RAP1GDS1: variants seen among roughly 807,000 people sequenced by gnomAD.
RAP1GDS1 encodes the protein Rap1 GTPase-GDP dissociation stimulator 1.
A neutral mutation model predicts 71.1 loss-of-function variants in RAP1GDS1; 35 were observed. The ratio of observed to expected loss-of-function variants is 0.49; its 90% confidence interval spans 0.38 to 0.65. The LOEUF (loss-of-function observed/expected upper bound fraction) is 0.65, where lower values mean the gene tolerates loss of function less well. RAP1GDS1 is among the 30% of genes least tolerant of loss of function. The pLI is 0.00. For missense variants in RAP1GDS1, 663 were observed against 706.1 expected, an observed-to-expected ratio of 0.94 and a Z score of 0.69; for synonymous variants, 229 against 243.1, an observed-to-expected ratio of 0.94 and a Z score of 0.54.
chr4:98,303,627 AATAATATAAT>A lies in RAP1GDS1; in HGVS notation c.112+10143_112+10152del, dbSNP rs3048386. ...AGAAGAAAATAATAAGTAAATTAATAATAATATAATATAATATAATATAATATAATATAAT... is the reference window on the plus strand; with the variant it reads ...AGAAGAAAATAATAAGTAAATTAATAATAATATAATATAATATAATATAAT... On this transcript the variant is annotated intron_variant, in intron 2 of 14. Transcript: ENST00000408927. Among the ~76,000 whole-genome samples the A allele has an allele frequency of 4.3e-3, 610 of 141,318 alleles. 7 individuals are homozygous for A. Among genetic ancestry groups the A allele is most frequent in the African/African-American group, 0.015 (570 of 38,676 alleles). The allele number at this position is 141,318 out of a possible 152,430, so 92.7% of individuals were successfully genotyped here. A position where few individuals can be genotyped will look rare whatever the true frequency, so the allele number is the denominator to read the frequency against.
At chr4:98,408,823 CA>C (rs1746563007) in intron 7 of RAP1GDS1, among the ~76,000 whole-genome samples, 1 of 152,064 alleles carries the variant, frequency 6.6e-6, no homozygotes, top group South Asian at 2.1e-4. Flanking sequence ...AAAAGCTTTT[CA>C]TAAAATTAAG....
intron 11 of RAP1GDS1, among the ~76,000 whole-genome samples, chr4:98,420,712 T>A (rs912465665): frequency 6.6e-6 from 1 of 152,172 alleles, no homozygotes; most frequent in Admixed American, 6.5e-5. Context: ...TATTAGTACT[T>A]ATAGTCCTGG....
At chr4:98,356,341 A>G (rs970307784) in intron 4 of RAP1GDS1, among the ~76,000 whole-genome samples, 1 of 152,086 alleles carries the variant, frequency 6.6e-6, no homozygotes, top group African/African-American at 2.4e-5. Flanking sequence ...TGATTTGTTT[A>G]TATAACTGTA....
chr4:98,297,605 A>C (rs1560791796), intron 2 of RAP1GDS1, among the ~76,000 whole-genome samples: 1 of 152,180 alleles, frequency 6.6e-6, no homozygotes, highest in Non-Finnish European at 1.5e-5. Flanking sequence ...CCCATGTATG[A>C]TGGTAAACTT....
chr4:98,366,377 C>T (rs918412235), intron 4 of RAP1GDS1, among the ~76,000 whole-genome samples: 2 of 152,246 alleles, frequency 1.3e-5, no homozygotes, highest in Non-Finnish European at 2.9e-5. Context: ...ACTGTAAGTC[C>T]AATTACACCT....
intron 2 of RAP1GDS1, among the ~76,000 whole-genome samples, chr4:98,334,972 A>G (rs959105533): frequency 3.6e-4 from 54 of 151,642 alleles, no homozygotes; most frequent in African/African-American, 1.2e-3. Flanking sequence ...TGTCAGCTTA[A>G]TATTTGCAGG....
At chr4:98,413,524 C>G (rs1747410923) in intron 7 of RAP1GDS1, among the ~76,000 whole-genome samples, 1 of 152,186 alleles carries the variant, frequency 6.6e-6, no homozygotes, top group Non-Finnish European at 1.5e-5. Context: ...CCAATTTCAT[C>G]CATGTCACTA....
Position 98,302,178 on chromosome 4 carries a change from TAACAG to T in RAP1GDS1, c.112+8668_112+8672del, listed in dbSNP as rs761644876. Among the ~76,000 whole-genome samples, 29 of 152,330 alleles carry T rather than the reference TAACAG, an allele frequency of 1.9e-4. No individual in the cohort carries two copies. The South Asian group carries it at 2.3e-3, about 12-fold the overall frequency. Reference sequence around the variant, plus strand: ...AAGCCATCTGTGTTGCAGTTATCATTAACAGAACACCATGACCTATATTAAATATT... The same window carrying T: ...AAGCCATCTGTGTTGCAGTTATCATTAACACCATGACCTATATTAAATATT... On this transcript the variant is annotated intron_variant, in intron 2 of 14. Transcript: ENST00000408927.
intron 14 of RAP1GDS1, among the ~76,000 whole-genome samples, chr4:98,440,404 G>A (rs1751718864): frequency 1.3e-5 from 2 of 152,064 alleles, no homozygotes; most frequent in Non-Finnish European, 2.9e-5. Context: ...ATTAAATACT[G>A]TTTTTACTAA....
chr4:98,415,000 T>G (rs1469747708), intron 7 of RAP1GDS1, among the ~76,000 whole-genome samples: 2 of 152,064 alleles, frequency 1.3e-5, no homozygotes, highest in African/African-American at 2.4e-5. Context: ...AATTCACTCA[T>G]GATTTGGCTC....
Position 98,442,135 on chromosome 4 carries a change from G to A in RAP1GDS1, c.*18G>A, listed in dbSNP as rs780500056. The A allele has an allele frequency of 3.7e-6, 6 of 1,609,280 alleles. No individual in the cohort carries two copies. The highest frequency in any genetic ancestry group is 5.1e-6 in the Non-Finnish European group (6 of 1,178,878). ...AAAGCTGAGAACTGCCCGATACACG[G>A]CATCATCCCATCTCTAATTTCCCCT... On this transcript the variant is annotated 3_prime_UTR_variant, in exon 15 of 15. Transcript: ENST00000408927.
intron 4 of RAP1GDS1, among the ~76,000 whole-genome samples, chr4:98,371,951 A>G (rs934412702): frequency 1.3e-5 from 2 of 152,086 alleles, no homozygotes; most frequent in Non-Finnish European, 2.9e-5. Flanking sequence ...TTTAAGTGAC[A>G]TTTAGATTAT....
At chr4:98,326,521 C>A (rs1733117283) in intron 2 of RAP1GDS1, among the ~76,000 whole-genome samples, 1 of 152,260 alleles carries the variant, frequency 6.6e-6, no homozygotes. Context: ...TTTATTTAAG[C>A]CAACATGATT....
At chr4:98,391,179 A>G (rs1412312833) in intron 5 of RAP1GDS1, among the ~76,000 whole-genome samples, 1 of 152,024 alleles carries the variant, frequency 6.6e-6, no homozygotes, top group Non-Finnish European at 1.5e-5. Flanking sequence ...ATTATTGTCC[A>G]TGAAGAACCC....
intron 6 of RAP1GDS1, among the ~76,000 whole-genome samples, chr4:98,401,088 A>G (rs1745336936): frequency 6.6e-6 from 1 of 152,236 alleles, no homozygotes. Context: ...CAAGTATTAC[A>G]GTGATGTTAT....
At chr4:98,361,527 C>T (rs539977496) in intron 4 of RAP1GDS1, among the ~76,000 whole-genome samples, 40 of 151,804 alleles carry the variant, frequency 2.6e-4, no homozygotes, top group Admixed American at 1.3e-3. Context: ...AAATGTATTG[C>T]CATTTATGGA....
chr4:98,323,355 T>G (rs2110346206), intron 2 of RAP1GDS1, among the ~76,000 whole-genome samples: 1 of 140,300 alleles, frequency 7.1e-6, no homozygotes, highest in East Asian at 2.0e-4. Context: ...AAGGAGGAAC[T>G]GGTACCATTC....
At chr4:98,425,919 A>G (rs1262915654) in intron 12 of RAP1GDS1, among the ~76,000 whole-genome samples, 1 of 152,216 alleles carries the variant, frequency 6.6e-6, no homozygotes, top group Non-Finnish European at 1.5e-5. Context: ...TGCAAAATAT[A>G]CATTCTATTC....
intron 2 of RAP1GDS1, among the ~76,000 whole-genome samples, chr4:98,323,791 C>G (rs1424937901): frequency 6.6e-6 from 1 of 151,396 alleles, no homozygotes; most frequent in African/African-American, 2.4e-5. Flanking sequence ...TAAGAGCTAT[C>G]TATGACAAAC....
Sources: allele counts gnomAD v4.1 joint callset (sites outside exome capture counted in the v4.1 genomes callset), GRCh38; gene constraint gnomAD v4.1.1; transcripts MANE v1.5; gene names NCBI Gene and HGNC (gene_info 2026-07-23, HGNC 2026-07-21).